The following NKAIN3 variants were observed in gnomAD, a reference collection of about 807,000 sequenced individuals.
NKAIN3 encodes sodium/potassium transporting ATPase interacting 3.
A neutral mutation model predicts 30.2 loss-of-function variants in NKAIN3; 25 were observed. The observed-to-expected ratio is 0.83, with a 90% CI of 0.60 to 1.16. The LOEUF is 1.16. NKAIN3 is among the 50% of genes most tolerant of loss of function. The pLI is 0.00. For missense variants in NKAIN3, 225 were observed against 254.1 expected, an observed-to-expected ratio of 0.89 and a Z score of 0.78; for synonymous variants, 91 against 89.6, an observed-to-expected ratio of 1.02 and a Z score of -0.09.
intron 1 of NKAIN3, among the ~76,000 whole-genome samples, chr8:62,477,626 G>T (rs1806563949): frequency 6.6e-6 from 1 of 152,130 alleles, no homozygotes; most frequent in African/African-American, 2.4e-5. Context: ...GCTTCATTTT[G>T]TGGAGAAGGC....
At chr8:62,324,181 A>G (rs751161429) in intron 1 of NKAIN3, among the ~76,000 whole-genome samples, 1 of 152,122 alleles carries the variant, frequency 6.6e-6, no homozygotes, top group Non-Finnish European at 1.5e-5. Context: ...CTAAATCTTA[A>G]TAAGAGTGTA....
chr8:62,392,438 A>G (rs960408054), intron 1 of NKAIN3, among the ~76,000 whole-genome samples: 1 of 152,044 alleles, frequency 6.6e-6, no homozygotes, highest in Admixed American at 6.5e-5. Context: ...TATTAGTAGT[A>G]GCAATGAGAA....
intron 1 of NKAIN3, among the ~76,000 whole-genome samples, chr8:62,448,440 AAAT>A (rs1337185245): frequency 2.7e-5 from 4 of 149,998 alleles, no homozygotes; most frequent in Admixed American, 2.7e-4. Flanking sequence ...TAATATATAA[AAAT>A]AATAGTAACA....
At chr8:62,946,172 G>A (rs902712932) in intron 5 of NKAIN3, among the ~76,000 whole-genome samples, 1 of 152,164 alleles carries the variant, frequency 6.6e-6, no homozygotes, top group African/African-American at 2.4e-5. Flanking sequence ...GCTGGCACTT[G>A]GGCATCATCT....
intron 1 of NKAIN3, among the ~76,000 whole-genome samples, chr8:62,405,675 T>TC (rs879903686): frequency 1.3e-5 from 2 of 152,172 alleles, no homozygotes; most frequent in Admixed American, 1.3e-4. Flanking sequence ...CCTACCCTCT[T>TC]CAGTGCCTCT....
intron 4 of NKAIN3, among the ~76,000 whole-genome samples, chr8:62,832,431 A>G (rs1819226640): frequency 6.6e-6 from 1 of 151,646 alleles, no homozygotes; most frequent in African/African-American, 2.4e-5. Context: ...ACTGCCTAAC[A>G]CCCCACTTAA....
At chr8:62,770,800 A>C (rs1029097713) in intron 4 of NKAIN3, among the ~76,000 whole-genome samples, 6 of 152,006 alleles carry the variant, frequency 3.9e-5, no homozygotes, top group African/African-American at 1.2e-4. Context: ...AAAAAAAACT[A>C]AGCAGAGACT....
At chr8:62,515,900 T>C (rs889621469) in intron 1 of NKAIN3, among the ~76,000 whole-genome samples, 2 of 152,170 alleles carry the variant, frequency 1.3e-5, no homozygotes, top group Non-Finnish European at 1.5e-5. Flanking sequence ...TGCTTATTTT[T>C]CTATTGTGTT....
At chr8:62,907,141 T>C (rs1821799759) in intron 4 of NKAIN3, among the ~76,000 whole-genome samples, 1 of 152,180 alleles carries the variant, frequency 6.6e-6, no homozygotes, top group Non-Finnish European at 1.5e-5. Context: ...CTTGCTATGT[T>C]TAGCAGGTGG....
chr8:62,799,498 C>T (rs1817984031), intron 4 of NKAIN3, among the ~76,000 whole-genome samples: 1 of 152,084 alleles, frequency 6.6e-6, no homozygotes, highest in Admixed American at 6.6e-5. Flanking sequence ...CAATGTGATA[C>T]CACCTAACTC....
At chr8:62,549,895 G>T (rs940751785) in intron 1 of NKAIN3, among the ~76,000 whole-genome samples, 3 of 149,414 alleles carry the variant, frequency 2.0e-5, no homozygotes, top group Non-Finnish European at 4.4e-5. Context: ...CTCATGAAAA[G>T]AAAAACTGAG....
intron 1 of NKAIN3, among the ~76,000 whole-genome samples, chr8:62,479,647 C>T (rs1017741013): frequency 2.6e-5 from 4 of 152,100 alleles, no homozygotes; most frequent in African/African-American, 9.7e-5. Flanking sequence ...GTTCCAGAAA[C>T]ACTGGATGTG....
rs373607437 is a variant in NKAIN3 at position 62,282,045 on chromosome 8, C to T, written c.54+32918C>T. On this transcript the variant is annotated intron_variant, in intron 1 of 6. Transcript: ENST00000623646. ...TTTTATTTTCCTCCTGGATCTCTCT[C>T]GAGACATCTGTAACCAACAGAAATT... Among the ~76,000 whole-genome samples the T allele has an allele frequency of 1.1e-4, 16 of 151,582 alleles. No homozygotes were observed. The East Asian group carries it at 2.3e-3, about 22-fold the overall frequency.
rs867470761 is a variant in NKAIN3, at chr8:62,402,275, G to A, written c.54+153148G>A. ...AGCCCCAAGGGCTTTTCAGTCAGCT[G>A]GTGGTAAATGCTTCCAGGCCTGGAA... On this transcript the variant is annotated intron_variant, in intron 1 of 6. Coordinates refer to ENST00000623646, the MANE Select transcript of NKAIN3 (RefSeq NM_001304533.3). 1.8e-4 allele frequency among the ~76,000 whole-genome samples: 28 copies of A among 152,164 alleles called. 1 individual carries two copies. Among genetic ancestry groups the A allele is most frequent in the Middle Eastern group, 6.3e-3 (2 of 316 alleles).
chr8:62,469,060 G>A (rs931355597), intron 1 of NKAIN3, among the ~76,000 whole-genome samples: 2 of 152,020 alleles, frequency 1.3e-5, no homozygotes, highest in African/African-American at 4.8e-5. Flanking sequence ...ACCTGTGTTG[G>A]CCTGGACTGT....
chr8:62,831,786 A>T (rs1819205103), intron 4 of NKAIN3, among the ~76,000 whole-genome samples: 1 of 152,162 alleles, frequency 6.6e-6, no homozygotes, highest in Admixed American at 6.5e-5. Flanking sequence ...AACTTGGAAA[A>T]CATATTTGAG....
intron 4 of NKAIN3, among the ~76,000 whole-genome samples, chr8:62,847,938 C>A (rs370069671): frequency 5.9e-5 from 9 of 152,242 alleles, no homozygotes; most frequent in East Asian, 5.8e-4. Context: ...TATAGGGAAT[C>A]TTTTCCCCAT....
intron 4 of NKAIN3, among the ~76,000 whole-genome samples, chr8:62,884,892 C>A (rs994835321): frequency 6.6e-6 from 1 of 151,786 alleles, no homozygotes; most frequent in Non-Finnish European, 1.5e-5. Flanking sequence ...ACAGGTGTAT[C>A]AATGTTATTG....
At chr8:62,271,017 T>C (rs184909422) in intron 1 of NKAIN3, among the ~76,000 whole-genome samples, 7 of 152,350 alleles carry the variant, frequency 4.6e-5, no homozygotes, top group Admixed American at 3.9e-4. Flanking sequence ...CATAAGAACA[T>C]ACATATTCAT....
Sources: gnomAD v4.1 joint callset for allele counts (sites outside exome capture counted in the v4.1 genomes callset) on GRCh38, gnomAD v4.1.1 for gene constraint, MANE v1.5 for transcripts, NCBI Gene and HGNC (gene_info 2026-07-23, HGNC 2026-07-21) for gene names.